The following RBFOX3 variants were observed in gnomAD, a reference collection of about 807,000 sequenced individuals.
RBFOX3 encodes the protein RNA binding protein fox-1 homolog 3.
In RBFOX3, 17 loss-of-function variants were observed where a neutral mutation model predicts 48.7. The observed-to-expected ratio is 0.35, with a 90% CI of 0.24 to 0.52. The LOEUF (loss-of-function observed/expected upper bound fraction) is 0.52, where lower values mean the gene tolerates loss of function less well. Among genes scored for constraint, RBFOX3 ranks in the 20% least tolerant of loss-of-function variants. The pLI, the probability that RBFOX3 is intolerant of heterozygous loss-of-function variation, is 0.94. For synonymous variants in RBFOX3, 212 were observed against 209.5 expected, an observed-to-expected ratio of 1.01 and a Z score of -0.10; for missense variants, 382 against 497.5, an observed-to-expected ratio of 0.77 and a Z score of 2.21.
chr17:79,337,607 C>A (rs1479270451), intron 2 of RBFOX3, among the ~76,000 whole-genome samples: 1 of 152,132 alleles, frequency 6.6e-6, no homozygotes, highest in African/African-American at 2.4e-5. Flanking sequence ...GAAACCTAAT[C>A]TCTACTAAAA....
intron 3 of RBFOX3, among the ~76,000 whole-genome samples, chr17:79,297,404 C>T (rs2074570946): frequency 6.6e-6 from 1 of 152,202 alleles, no homozygotes; most frequent in Admixed American, 6.5e-5. Context: ...CGGGCCAGCC[C>T]CAAGGGTAAC....
intron 1 of RBFOX3, among the ~76,000 whole-genome samples, chr17:79,504,429 G>A (rs2082800292): frequency 2.0e-5 from 3 of 152,164 alleles, no homozygotes; most frequent in Non-Finnish European, 4.4e-5. Context: ...GTCGCTCAAA[G>A]CAACAGAAGC....
At position 79,534,199 on chromosome 17, in the gene RBFOX3, C is replaced by T. The variant is rs137861863; in HGVS notation, c.-319-51601G>A. Among the ~76,000 whole-genome samples the T allele has an allele frequency of 8.8e-4, 134 of 152,274 alleles. 1 individual carries two copies. The East Asian group carries it at 0.022, about 25-fold the overall frequency. Reference sequence around the variant, plus strand: ...GTCCAAATTCTACAATAGTGAAAAACGAAAATGTCATCCAACTTGAGACAG... The same window carrying T: ...GTCCAAATTCTACAATAGTGAAAAATGAAAATGTCATCCAACTTGAGACAG... On this transcript the variant is annotated intron_variant, in intron 1 of 14. Coordinates refer to ENST00000693108, the MANE Select transcript of RBFOX3 (RefSeq NM_001350451.2).
intron 2 of RBFOX3, among the ~76,000 whole-genome samples, chr17:79,445,492 G>C (rs906185058): frequency 1.3e-5 from 2 of 152,136 alleles, no homozygotes; most frequent in Non-Finnish European, 2.9e-5. Context: ...TTCCAGGACT[G>C]TCTACCCCAG....
chr17:79,412,249 AGT>A (rs2064492141), intron 2 of RBFOX3, among the ~76,000 whole-genome samples: 2 of 130,550 alleles, frequency 1.5e-5, no homozygotes. Flanking sequence ...GATATGTGTG[AGT>A]GTATGGTGTG....
rs1274370610 is a variant in RBFOX3, at chr17:79,421,647, AG to A, written c.-175+60806del. 6.6e-6 allele frequency among the ~76,000 whole-genome samples: 1 copy of A among 152,132 alleles called. No individual in the cohort carries two copies. The highest frequency in any genetic ancestry group is 1.5e-5 in the Non-Finnish European group (1 of 68,030). ...CCCTGACCAGGGCATGCGGGACCCCAGGGGCACACCGAACGCGGTCACCATA... is the reference window on the plus strand; with the variant it reads ...CCCTGACCAGGGCATGCGGGACCCCAGGGCACACCGAACGCGGTCACCATA... On this transcript the variant is annotated intron_variant, in intron 2 of 14. Transcript: ENST00000693108. This position sits in a 1 kb window ranked among gnomAD's most constrained non-coding sequence, Gnocchi z 4.5.
intron 1 of RBFOX3, among the ~76,000 whole-genome samples, chr17:79,544,776 C>A (rs1197222551): frequency 1.3e-5 from 2 of 151,902 alleles, no homozygotes; most frequent in East Asian, 3.9e-4. Context: ...TTCCTCACCT[C>A]CTGAGCAGCA....
Position 79,158,533 on chromosome 17 carries a change from C to T in RBFOX3, c.-33-42785G>A, listed in dbSNP as rs181483393. Among the ~76,000 whole-genome samples, 1,188 of 152,292 alleles carry T rather than the reference C, an allele frequency of 7.8e-3. 8 individuals carry two copies. The highest frequency in any genetic ancestry group is 0.013 in the Non-Finnish European group (865 of 68,022). Reference sequence around the variant, plus strand: ...CTGGGCACCTTGCTTGCAGCTCTCACGCCAGCTTACTCCTAAACACCCCAA... The same window carrying T: ...CTGGGCACCTTGCTTGCAGCTCTCATGCCAGCTTACTCCTAAACACCCCAA... On this transcript the variant is annotated intron_variant, in intron 4 of 14. Transcript: ENST00000693108.
intron 4 of RBFOX3, among the ~76,000 whole-genome samples, chr17:79,211,944 C>T (rs1290795751): frequency 1.3e-5 from 2 of 152,148 alleles, no homozygotes; most frequent in African/African-American, 4.8e-5. Context: ...GGGAACAAGA[C>T]AGATGAGACC....
At chr17:79,158,791 G>T (rs2046352898) in intron 4 of RBFOX3, among the ~76,000 whole-genome samples, 1 of 152,172 alleles carries the variant, frequency 6.6e-6, no homozygotes, top group Non-Finnish European at 1.5e-5. Flanking sequence ...CAATTTATGT[G>T]ATTTTTAGGG....
chr17:79,332,602 G>T (rs983024638), intron 2 of RBFOX3, among the ~76,000 whole-genome samples: 1 of 151,974 alleles, frequency 6.6e-6, no homozygotes, highest in Non-Finnish European at 1.5e-5. Context: ...GAGACAGAGA[G>T]AACAGAGACA....
rs2073738684 is a variant in RBFOX3 at position 79,090,857 on chromosome 17, G to A, written c.*26C>T. Reference sequence around the variant, plus strand: ...TGTTTTTTTGTTTTTGCCCTTCATGGTCCGAGAAGGAAACGGTGGAAGGTT... The same window carrying A: ...TGTTTTTTTGTTTTTGCCCTTCATGATCCGAGAAGGAAACGGTGGAAGGTT... On this transcript the variant is annotated 3_prime_UTR_variant, in exon 15 of 15. Coordinates refer to ENST00000693108, the MANE Select transcript of RBFOX3 (RefSeq NM_001350451.2). 6.6e-7 allele frequency: 1 copy of A among 1,521,946 alleles called. No individual in the cohort carries two copies. The allele number at this position is 1,521,946 out of a possible 1,614,324, so 94.3% of individuals were successfully genotyped here.
chr17:79,357,669 G>A (rs912187971), intron 2 of RBFOX3, among the ~76,000 whole-genome samples: 1 of 142,310 alleles, frequency 7.0e-6, no homozygotes, highest in Non-Finnish European at 1.5e-5. Context: ...TCTGAAAGAC[G>A]ACTTCACTCC....
intron 10 of RBFOX3, 94 bp from the exon 11 acceptor site, chr17:79,097,518 C>A: frequency 2.3e-6 from 3 of 1,328,684 alleles, no homozygotes; most frequent in Non-Finnish European, 2.9e-6. Context: ...GCGCACCTAG[C>A]CCCCAACCCC....
Position 79,090,032 on chromosome 17 carries a change from C to G in RBFOX3, c.*851G>C, listed in dbSNP as rs982505724. ...AGCGGCAGGGAGGGCTGGGTCCCAGCAGGCAGCACGAGGTCAGCCTTGGTG... is the reference window on the plus strand; with the variant it reads ...AGCGGCAGGGAGGGCTGGGTCCCAGGAGGCAGCACGAGGTCAGCCTTGGTG... On this transcript the variant is annotated 3_prime_UTR_variant, in exon 15 of 15. Transcript: ENST00000693108. The G allele has an allele frequency of 6.6e-6, 1 of 152,424 alleles. No individual in the cohort carries two copies. Among genetic ancestry groups the G allele is most frequent in the Non-Finnish European group, 1.5e-5 (1 of 68,190 alleles). The allele number at this position is 152,424 out of a possible 1,614,324, so 9.4% of individuals were successfully genotyped here.
chr17:79,353,480 T>C (rs576517207), intron 2 of RBFOX3, among the ~76,000 whole-genome samples: 134 of 152,318 alleles, frequency 8.8e-4, no homozygotes, highest in African/African-American at 2.8e-3. Flanking sequence ...CATCTAACAA[T>C]CTTAGCTTAC....
At chr17:79,342,730 TG>T (rs1219196247) in intron 2 of RBFOX3, among the ~76,000 whole-genome samples, 1 of 152,074 alleles carries the variant, frequency 6.6e-6, no homozygotes, top group Non-Finnish European at 1.5e-5. Context: ...ATGAGAATAA[TG>T]GGGGAAAATC....
chr17:79,131,477 C>T (rs911628926), intron 4 of RBFOX3, among the ~76,000 whole-genome samples: 1 of 152,216 alleles, frequency 6.6e-6, no homozygotes, highest in African/African-American at 2.4e-5. Context: ...CAGCACCCAC[C>T]ACCACCCGCA....
chr17:79,653,355 C>T, the RBFOX3 span, among the ~76,000 whole-genome samples: 1 of 152,084 alleles, frequency 6.6e-6, no homozygotes, highest in East Asian at 1.9e-4. Flanking sequence ...GTGTTGACTA[C>T]GTGGAAGGTT....
Sources: gnomAD v4.1 joint callset for allele counts (sites outside exome capture counted in the v4.1 genomes callset) on GRCh38, gnomAD v4.1.1 for gene constraint, Gnocchi (gnomAD v3.1) non-coding constraint, MANE v1.5 for transcripts, NCBI Gene and HGNC (gene_info 2026-07-23, HGNC 2026-07-21) for gene names.